Variants in MPHOSPH9 observed in about 807,000 individuals in gnomAD.
MPHOSPH9 encodes the protein M-phase phosphoprotein 9.
Under a neutral mutation model 145.5 loss-of-function variants are expected in MPHOSPH9, and 88 were observed. That is an observed-to-expected ratio of 0.60 (90% CI 0.51 to 0.72). The LOEUF (loss-of-function observed/expected upper bound fraction) is 0.72, where lower values mean the gene tolerates loss of function less well. Among genes scored for constraint, MPHOSPH9 ranks in the 30% least tolerant of loss-of-function variants. MPHOSPH9 has a pLI of 0.00. For missense variants in MPHOSPH9, 1,238 were observed against 1,386.6 expected (o/e 0.89, Z 1.70); for synonymous variants, 435 against 486.2 (o/e 0.89, Z 1.39).
In MPHOSPH9 at chr12:123,159,609, AT is replaced by A. The variant is rs2044020648; in HGVS notation, c.3450+1171del. 1 of 152,076 alleles carries A rather than the reference AT, an allele frequency of 6.6e-6. No individual in the cohort carries two copies. Among genetic ancestry groups the A allele is most frequent in the African/African-American group, 2.4e-5 (1 of 41,402 alleles). 9.4% of individuals were successfully genotyped at this position (152,076 alleles called of 1,614,324 possible). On this transcript the variant is annotated intron_variant, in intron 23 of 23. Coordinates refer to ENST00000606320, the MANE Select transcript of MPHOSPH9 (RefSeq NM_022782.4). The surrounding 1 kb of genome is among the most constrained non-coding windows in gnomAD (Gnocchi z 4.3). ...GGGTTACAACTTGACATATATCCAAATCCTTAGAAATTTGCATTTCTTTGGA... is the reference window on the plus strand; with the variant it reads ...GGGTTACAACTTGACATATATCCAAACCTTAGAAATTTGCATTTCTTTGGA...
At chr12:123,173,366 T>A (rs1189950419) in intron 16 of MPHOSPH9, among the ~76,000 whole-genome samples, 3 of 152,200 alleles carry the variant, frequency 2.0e-5, no homozygotes, top group African/African-American at 7.2e-5. Context: ...AACTTTCATA[T>A]CCCTTGTTGC....
intron 13 of MPHOSPH9, among the ~76,000 whole-genome samples, chr12:123,184,616 G>C: frequency 6.6e-6 from 1 of 151,432 alleles, no homozygotes; most frequent in Non-Finnish European, 1.5e-5. Flanking sequence ...TCCTGCCTCA[G>C]TCCCCTGAGT....
In MPHOSPH9 at chr12:123,196,480, C is replaced by T. The variant is rs118072116; in HGVS notation, c.2025+1767G>A. Among the ~76,000 whole-genome samples the T allele has an allele frequency of 3.7e-3, 559 of 152,164 alleles. 6 individuals are homozygous for T. The South Asian group carries it at 0.043, about 12-fold the overall frequency. Reference sequence around the variant, plus strand: ...CGTCTAATAGATATTAAAAATAAAACTTGTAAACACAGACTTTGAGAAACT... The same window carrying T: ...CGTCTAATAGATATTAAAAATAAAATTTGTAAACACAGACTTTGAGAAACT... On this transcript the variant is annotated intron_variant, in intron 12 of 23. Coordinates refer to ENST00000606320, the MANE Select transcript of MPHOSPH9 (RefSeq NM_022782.4).
intron 5 of MPHOSPH9, among the ~76,000 whole-genome samples, chr12:123,220,055 G>T (rs1237084475): frequency 6.6e-6 from 1 of 151,878 alleles, no homozygotes; most frequent in East Asian, 1.9e-4. Context: ...TTAGCCGGAC[G>T]TGGCGGTACA....
chr12:123,197,879 C>T (rs1243782078), intron 12 of MPHOSPH9, among the ~76,000 whole-genome samples: 5 of 150,662 alleles, frequency 3.3e-5, no homozygotes, highest in East Asian at 2.0e-4. Flanking sequence ...GTCAGGAGAT[C>T]GAGACCATCC....
chr12:123,198,931 T>A (rs1472882818), intron 11 of MPHOSPH9, among the ~76,000 whole-genome samples: 1 of 151,882 alleles, frequency 6.6e-6, no homozygotes, highest in Non-Finnish European at 1.5e-5. Flanking sequence ...ATATGCATTA[T>A]GATTTCTGGA....
At chr12:123,160,734 T>A in intron 23 of MPHOSPH9, 47 bp downstream of exon 23, 1 of 1,552,418 alleles carries the variant, frequency 6.4e-7, no homozygotes, top group Non-Finnish European at 8.9e-7. Flanking sequence ...ACTGGAACAC[T>A]GACTGGCATC....
At chr12:123,241,211 T>C (rs982140030) in intron 1 of MPHOSPH9, among the ~76,000 whole-genome samples, 1 of 151,666 alleles carries the variant, frequency 6.6e-6, no homozygotes, top group South Asian at 2.1e-4. Flanking sequence ...AAGCTGATCA[T>C]GAACTCCCAG....
intron 19 of MPHOSPH9, 173 bp downstream of exon 19, chr12:123,163,777 A>G: frequency 1.6e-6 from 1 of 619,290 alleles, no homozygotes; most frequent in Non-Finnish European, 2.6e-6. Context: ...TATCTATGTG[A>G]TCAGACAATT....
intron 16 of MPHOSPH9, among the ~76,000 whole-genome samples, chr12:123,175,354 C>T (rs923452430): frequency 2.6e-5 from 4 of 152,068 alleles, no homozygotes; most frequent in East Asian, 1.9e-4. Flanking sequence ...AGGGTTTCAT[C>T]GTGTTAGCCA....
rs765054137 is a variant in MPHOSPH9, at chr12:123,203,005, G to T, written c.1400C>A (p.Ala467Asp). The change falls in exon 10 of 24, where the codon GCC (alanine) becomes GAC (aspartate). Residue 467 changes from alanine to aspartate, a missense_variant. Ala to Asp is a moderately radical substitution (Grantham distance 126, BLOSUM62 -2). Around this residue, in one of 3 missense-constraint regions of MPHOSPH9, gnomAD observed 837 missense variants for 897.5 expected, o/e 0.93. Coordinates refer to ENST00000606320, the MANE Select transcript of MPHOSPH9 (RefSeq NM_022782.4). ...SGIQPHGLPN[A>D]LDDRISFSPD... Reference sequence around the variant, plus strand: ...GGAAAAGGATATTCTGTCATCAAGGGCATTCGGAAGGCCGTGAGGTTGAAT... The same window carrying T: ...GGAAAAGGATATTCTGTCATCAAGGTCATTCGGAAGGCCGTGAGGTTGAAT... The T allele has an allele frequency of 6.2e-7, 1 of 1,614,182 alleles. No homozygotes were observed. The highest frequency in any genetic ancestry group is 8.5e-7 in the Non-Finnish European group (1 of 1,180,042).
chr12:123,242,306 AG>A (rs1398942189), intron 1 of MPHOSPH9, among the ~76,000 whole-genome samples: 1 of 152,160 alleles, frequency 6.6e-6, no homozygotes, highest in African/African-American at 2.4e-5. Flanking sequence ...CGTTTGAAGA[AG>A]GGAACTGGGG....
intron 23 of MPHOSPH9, chr12:123,160,113 C>G (rs554895826): frequency 6.6e-6 from 1 of 152,288 alleles, no homozygotes; most frequent in Admixed American, 6.5e-5. Flanking sequence ...TCAGGTGACC[C>G]GCCTGCATCA....
rs1464725256 is a variant in MPHOSPH9, at chr12:123,165,390, C to T, written c.2679G>A (p.Thr893=). The change falls in exon 18 of 24, where the codon ACG becomes ACA. Residue 893 remains threonine, a synonymous_variant. Coordinates refer to ENST00000606320, the MANE Select transcript of MPHOSPH9 (RefSeq NM_022782.4). ...LIKKQRETSD[T]PIMRALKELD... ...GTTCTTTTAAAGCTCTCATGATCGG[C>T]GTGTCTGAAGTCTCTCTTTGCTTTT... is the stretch of plus-strand genomic sequence containing the variant. 12 of 1,613,772 alleles carry T rather than the reference C, an allele frequency of 7.4e-6. No homozygotes were observed. In the Middle Eastern group the frequency reaches 6.6e-4, roughly 89 times the overall value.
chr12:123,212,863 CTT>C (rs1321106569), intron 7 of MPHOSPH9, among the ~76,000 whole-genome samples: 20 of 106,574 alleles, frequency 1.9e-4, no homozygotes, highest in Non-Finnish European at 1.7e-4. Flanking sequence ...TTCTGTTATT[CTT>C]TTTTTTTTTT....
chr12:123,235,474 C>A (rs1027502418), upstream of MPHOSPH9, among the ~76,000 whole-genome samples: 1 of 151,972 alleles, frequency 6.6e-6, no homozygotes, highest in African/African-American at 2.4e-5. Flanking sequence ...ACGCCATTCT[C>A]CTGCCTTAGC....
chr12:123,223,013 G>T, intron 4 of MPHOSPH9, 25 bp downstream of exon 4: 1 of 1,390,568 alleles, frequency 7.2e-7, no homozygotes, highest in Non-Finnish European at 9.8e-7. Flanking sequence ...TATAAAAAAA[G>T]GAATCAATGT....
intron 8 of MPHOSPH9, among the ~76,000 whole-genome samples, chr12:123,205,105 TACACTGAAA>T (rs2046369370): frequency 6.6e-6 from 1 of 152,164 alleles, no homozygotes; most frequent in Admixed American, 6.6e-5. Context: ...CAACAATAGA[TACACTGAAA>T]ACACTGAAAG....
In MPHOSPH9 at chr12:123,194,676, C is replaced by A. The variant is rs1014058106; in HGVS notation, c.2026-75G>T. 74 of 1,081,550 alleles carry A rather than the reference C, an allele frequency of 6.8e-5. 2 individuals are homozygous for A. In the South Asian group the frequency reaches 1.3e-3, roughly 18 times the overall value. The allele number at this position is 1,081,550 out of a possible 1,614,324, so 67.0% of individuals were successfully genotyped here. On this transcript the variant is annotated intron_variant, in intron 12 of 23. Coordinates refer to ENST00000606320, the MANE Select transcript of MPHOSPH9 (RefSeq NM_022782.4). ...TCGCTCTGTTGCCCAAGCTGGAGTA[C>A]AATGGCGCAATCTTGGCCTACTGCA...
Sources: gnomAD v4.1 joint callset for allele counts (sites outside exome capture counted in the v4.1 genomes callset) on GRCh38, gnomAD v4.1.1 for gene constraint, gnomAD v4.1.1 regional missense constraint, Gnocchi (gnomAD v3.1) non-coding constraint, MANE v1.5 for transcripts, NCBI Gene and HGNC (gene_info 2026-07-23, HGNC 2026-07-21) for gene names.